The following SLC49A3 variants were observed in gnomAD, a reference collection of about 807,000 sequenced individuals.
SLC49A3 encodes the protein solute carrier family 49 member 3.
A neutral mutation model predicts 43.8 loss-of-function variants in SLC49A3; 50 were observed. The ratio of observed to expected loss-of-function variants is 1.14; its 90% CI spans 0.91 to 1.45. The LOEUF (loss-of-function observed/expected upper bound fraction) is 1.45, where lower values mean the gene tolerates loss of function less well. Among genes scored for constraint, SLC49A3 ranks in the 40% most tolerant of loss-of-function variants. The pLI is 0.00. For missense variants in SLC49A3, 906 were observed against 774.1 expected (o/e 1.17, Z -2.02); for synonymous variants, 413 against 352.0 (o/e 1.17, Z -1.94).
At chr4:684,691 C>A in intron 5 of SLC49A3, 28 bp downstream of exon 5, 1 of 1,606,386 alleles carries the variant, frequency 6.2e-7, no homozygotes, top group East Asian at 2.2e-5. Context: ...CCAAATCCAC[C>A]CTACCCCGGG....
rs893414506 is a variant in SLC49A3, at chr4:682,082, T to C, written c.1556A>G (p.Gln519Arg). ...GGGCGCGTCGGTGGCTGCTGGGCCTTGCGCACGGGGAGTCGCTCGGTGGCA... is the reference window on the plus strand; with the variant it reads ...GGGCGCGTCGGTGGCTGCTGGGCCTCGCGCACGGGGAGTCGCTCGGTGGCA... ...PACHRATPRA[Q>R]GPAATDAPSR... The change falls in exon 10 of 10, where the codon CAA becomes CGA. Residue 519 changes from glutamine to arginine, a missense_variant. Physicochemically the swap from Gln to Arg is conservative, Grantham distance 43. Coordinates refer to ENST00000322224, the MANE Select transcript of SLC49A3 (RefSeq NM_032219.4). 1 of 1,401,204 alleles carries C rather than the reference T, an allele frequency of 7.1e-7. No homozygotes were observed. Among genetic ancestry groups the C allele is most frequent in the South Asian group, 1.6e-5 (1 of 61,372 alleles). The allele number at this position is 1,401,204 out of a possible 1,614,324, so 86.8% of individuals were successfully genotyped here.
At chr4:680,740 C>G, downstream of SLC49A3, 1 of 797,578 alleles carries the variant, frequency 1.3e-6, no homozygotes, top group Non-Finnish European at 2.0e-6. Flanking sequence ...AGGATCCCAG[C>G]TGAGTGGGAG....
At chr4:683,573 C>T (rs763926097) in intron 7 of SLC49A3, 36 bp downstream of exon 7, 14 of 1,583,520 alleles carry the variant, frequency 8.8e-6, no homozygotes, top group Middle Eastern at 1.7e-4. Context: ...ACCCACCCAC[C>T]CCCACAGGGC....
At chr4:686,498 C>T (rs1278241427) in intron 2 of SLC49A3, 34 bp downstream of exon 2, 1 of 1,604,360 alleles carries the variant, frequency 6.2e-7, no homozygotes, top group Non-Finnish European at 8.5e-7. Context: ...CCTGCACTGT[C>T]CCGGAGCGGG....
chr4:681,109 T>C, downstream of SLC49A3: 1 of 1,606,258 alleles, frequency 6.2e-7, no homozygotes, highest in Non-Finnish European at 8.5e-7. Flanking sequence ...CGTCTGCTGA[T>C]GTCCCAGGCT....
chr4:681,319 C>G (rs1269068456), downstream of SLC49A3, among the ~76,000 whole-genome samples: 3 of 152,094 alleles, frequency 2.0e-5, no homozygotes, highest in African/African-American at 7.2e-5. Context: ...TCAGAGGGAT[C>G]AGGTCAGCGG....
chr4:682,052 C>A lies in SLC49A3; in HGVS notation c.1586G>T (p.Arg529Leu). Residue 529 changes from arginine to leucine, a missense_variant, in exon 10 of 10, where the codon CGC becomes CTC. Physicochemically the swap from Arg to Leu is moderately radical, Grantham distance 102. Transcript: ENST00000322224. ...GACCCTGCCTGCGAGTCTGCCGGGG[C>A]GGGAGGGCGCGTCGGTGGCTGCTGG... ...QGPAATDAPS[R>L]PGRLAGRVQA... 7.1e-7 allele frequency: 1 copy of A among 1,413,898 alleles called. No homozygotes were observed. Among genetic ancestry groups the A allele is most frequent in the Non-Finnish European group, 9.3e-7 (1 of 1,071,920 alleles). 87.6% of individuals were successfully genotyped at this position (1,413,898 alleles called of 1,614,324 possible). A position where few individuals can be genotyped will look rare whatever the true frequency, so the allele number is the denominator to read the frequency against.
At position 683,714 on chromosome 4, in the gene SLC49A3, C is replaced by G. The variant is rs375550241; in HGVS notation, c.888G>C (p.Leu296=). The G allele has an allele frequency of 6.3e-6, 10 of 1,594,152 alleles. No individual in the cohort carries two copies. The highest frequency in any genetic ancestry group is 7.7e-6 in the Non-Finnish European group (9 of 1,170,468). The change falls in exon 7 of 10, where the codon CTG becomes CTC. Residue 296 remains leucine (L), a synonymous_variant. Transcript: ENST00000322224. ...CGALFITFGI[L]GALALGPYVD... is the part of the protein sequence containing the mutation. Reference sequence around the variant, plus strand: ...CATAGGGGCCGAGAGCCAGTGCCCCCAGGATCCCAAACGTGATGAAGAGAG... The same window carrying G: ...CATAGGGGCCGAGAGCCAGTGCCCCGAGGATCCCAAACGTGATGAAGAGAG...
chr4:687,552 C>T (rs1003561359), intron 1 of SLC49A3, among the ~76,000 whole-genome samples: 1 of 152,206 alleles, frequency 6.6e-6, no homozygotes, highest in Non-Finnish European at 1.5e-5. Context: ...GCCCACCCTG[C>T]GGAGCCGAGC....
chr4:686,826 C>G, intron 1 of SLC49A3, 136 bp from the exon 2 acceptor site: 1 of 1,162,226 alleles, frequency 8.6e-7, no homozygotes, highest in East Asian at 2.6e-5. Context: ...GACACGGGGC[C>G]TTCCTGCCCA....
At chr4:679,696 C>T (rs1169497319), downstream of SLC49A3, among the ~76,000 whole-genome samples, 1 of 152,218 alleles carries the variant, frequency 6.6e-6, no homozygotes. Flanking sequence ...TGTCACCTCC[C>T]TCTCCCTCAG....
At chr4:680,118 A>G, downstream of SLC49A3, 2 of 1,182,878 alleles carry the variant, frequency 1.7e-6, no homozygotes, top group East Asian at 2.5e-5. Flanking sequence ...ATCTCTGGAG[A>G]AGCCCTAGGG....
downstream of SLC49A3, chr4:680,489 T>C (rs774292144): frequency 1.5e-5 from 24 of 1,613,242 alleles, no homozygotes; most frequent in Non-Finnish European, 2.0e-5. Context: ...GGCCCTGGGC[T>C]GAAGGTGCCT....
In SLC49A3 at chr4:683,752, C is replaced by G; in HGVS notation, c.850G>C (p.Gly284Arg). ...GTGATGAAGAGAGCGCCACAGAGGC[C>G]GGAAAACCCCTGGAGGAGGCGAGAA... Reference protein sequence around the residue: ...CASGHSSGFSGLCGALFITFG... With the variant: ...CASGHSSGFSRLCGALFITFG... Residue 284 changes from glycine to arginine, a missense_variant, in exon 7 of 10, where the codon GGC becomes CGC. Physicochemically the swap from Gly to Arg is moderately radical, Grantham distance 125 (BLOSUM62 -2). Transcript: ENST00000322224. 1 of 1,566,010 alleles carries G rather than the reference C, an allele frequency of 6.4e-7. No individual in the cohort carries two copies. The highest frequency in any genetic ancestry group is 1.2e-5 in the South Asian group (1 of 85,790).
At chr4:688,605 G>A (rs2109465788) in intron 1 of SLC49A3, among the ~76,000 whole-genome samples, 1 of 152,304 alleles carries the variant, frequency 6.6e-6, no homozygotes, top group Middle Eastern at 3.4e-3. Context: ...GTCAGGTGGA[G>A]GGGAGGGCGG....
upstream of SLC49A3, among the ~76,000 whole-genome samples, chr4:690,886 C>A (rs895020120): frequency 1.3e-5 from 2 of 152,240 alleles, no homozygotes; most frequent in African/African-American, 4.8e-5. Flanking sequence ...TGTATACCAA[C>A]AAGAAACATG....
chr4:677,993 C>A (rs200903251), downstream of SLC49A3: 5,370 of 1,613,360 alleles, frequency 3.3e-3, 15 homozygotes, highest in Non-Finnish European at 4.3e-3. Context: ...ACCTGGGGCC[C>A]TGGGCAGACG....
Position 689,150 on chromosome 4 carries a change from C to T in SLC49A3, c.-23G>A. 1 of 1,294,380 alleles carries T rather than the reference C, an allele frequency of 7.7e-7. No individual in the cohort carries two copies. The highest frequency in any genetic ancestry group is 2.4e-5 in the South Asian group (1 of 41,652). The allele number at this position is 1,294,380 out of a possible 1,614,324, so 80.2% of individuals were successfully genotyped here. The stretch of plus-strand genomic sequence containing the variant: ...CATCGTCGGCGGCCTCCACGGGTCT[C>T]CGCCGGTCCCGCCGGCCGCCCGGGC... On this transcript the variant is annotated 5_prime_UTR_variant, in exon 1 of 10. Transcript: ENST00000322224.
downstream of SLC49A3, chr4:681,783 C>A: frequency 8.1e-7 from 1 of 1,229,388 alleles, no homozygotes; most frequent in Non-Finnish European, 1.0e-6. Context: ...ACCCGGGCCC[C>A]TCCCCGCTCC....
Sources: allele counts gnomAD v4.1 joint callset (sites outside exome capture counted in the v4.1 genomes callset), GRCh38; gene constraint gnomAD v4.1.1; transcripts MANE v1.5; gene names NCBI Gene and HGNC (gene_info 2026-07-23, HGNC 2026-07-21).